CHST11: variants seen among roughly 807,000 people sequenced by gnomAD.
CHST11 encodes the protein carbohydrate sulfotransferase 11.
A neutral mutation model predicts 30.4 loss-of-function variants in CHST11; 9 were observed. The observed-to-expected ratio is 0.30, with a 90% confidence interval of 0.18 to 0.52. The LOEUF (loss-of-function observed/expected upper bound fraction) is 0.52, where lower values mean the gene tolerates loss of function less well. CHST11 is among the 20% of genes least tolerant of loss of function. The pLI is 0.97. For missense variants in CHST11, 348 were observed against 460.6 expected (o/e 0.76, Z 2.24); for synonymous variants, 152 against 187.8 (o/e 0.81, Z 1.56).
chr12:104,623,174 C>T (rs2374410), intron 2 of CHST11, among the ~76,000 whole-genome samples: 38,332 of 152,134 alleles, frequency 0.25, 5,151 homozygotes, highest in East Asian at 0.41. Flanking sequence ...TAGACTGTGC[C>T]GAGAGCCAGA....
rs75885678 is a variant in CHST11, at chr12:104,738,455, C to T, written c.205-18494C>T. Among the ~76,000 whole-genome samples the T allele has an allele frequency of 1.7e-3, 254 of 152,342 alleles. 1 individual carries two copies. Among genetic ancestry groups the T allele is most frequent in the African/African-American group, 5.8e-3 (242 of 41,560 alleles). On this transcript the variant is annotated intron_variant, in intron 2 of 2. Transcript: ENST00000303694. ...GCTGGAACGGCACTCCTGTGCCATG[C>T]GTCCATGGCACCTGTGCTTAATAAA...
intron 1 of CHST11, among the ~76,000 whole-genome samples, chr12:104,467,050 T>C (rs982168667): frequency 6.6e-6 from 1 of 152,242 alleles, no homozygotes; most frequent in African/African-American, 2.4e-5. Context: ...GCCTCAGTTC[T>C]ATTTTGTGAG....
chr12:104,631,203 G>C (rs2039266687), intron 2 of CHST11, among the ~76,000 whole-genome samples: 1 of 152,210 alleles, frequency 6.6e-6, no homozygotes, highest in African/African-American at 2.4e-5. Flanking sequence ...GGTTGGGGGA[G>C]AGGAATGGTG....
chr12:104,460,462 G>A (rs1009659125), intron 1 of CHST11, among the ~76,000 whole-genome samples: 1 of 152,022 alleles, frequency 6.6e-6, no homozygotes, highest in African/African-American at 2.4e-5. Context: ...TCAGGAGTTC[G>A]AGACCAGCCT....
intron 1 of CHST11, among the ~76,000 whole-genome samples, chr12:104,599,398 G>A (rs1218708631): frequency 6.6e-6 from 1 of 152,246 alleles, no homozygotes; most frequent in Non-Finnish European, 1.5e-5. Flanking sequence ...GAGCCCGTCT[G>A]CCGCCATAGG....
chr12:104,478,229 AT>A (rs2037583689), intron 1 of CHST11, among the ~76,000 whole-genome samples: 1 of 152,108 alleles, frequency 6.6e-6, no homozygotes, highest in African/African-American at 2.4e-5. Flanking sequence ...CCTGTGTAGT[AT>A]TTCTGTTACT....
At chr12:104,601,839 CT>C in intron 1 of CHST11, 66 bp from the exon 2 acceptor site, 1 of 1,345,274 alleles carries the variant, frequency 7.4e-7, no homozygotes, top group East Asian at 2.3e-5. Flanking sequence ...TACTCTGTGC[CT>C]TTTTCTTTGA....
At chr12:104,563,449 G>A (rs2038533327) in intron 1 of CHST11, among the ~76,000 whole-genome samples, 1 of 152,032 alleles carries the variant, frequency 6.6e-6, no homozygotes, top group Admixed American at 6.5e-5. Flanking sequence ...CTCGCTCAAG[G>A]GGCTGTATGC....
In CHST11 at chr12:104,457,345, G is replaced by A; in HGVS notation, c.-67G>A. Reference sequence around the variant, plus strand: ...CTCCCGGGCTCCGGTCCGCGCGGCGGGGTCCCTGCTCCTGCGCCCCGGGCG... The same window carrying A: ...CTCCCGGGCTCCGGTCCGCGCGGCGAGGTCCCTGCTCCTGCGCCCCGGGCG... On this transcript the variant is annotated 5_prime_UTR_variant, in exon 1 of 3. Transcript: ENST00000303694. 1 of 1,153,436 alleles carries A rather than the reference G, an allele frequency of 8.7e-7. No individual in the cohort carries two copies. Among genetic ancestry groups the A allele is most frequent in the Non-Finnish European group, 1.3e-6 (1 of 778,822 alleles). 71.5% of individuals were successfully genotyped at this position (1,153,436 alleles called of 1,614,324 possible). A position where few individuals can be genotyped will look rare whatever the true frequency, so the allele number is the denominator to read the frequency against.
intron 2 of CHST11, among the ~76,000 whole-genome samples, chr12:104,708,360 G>C (rs573490522): frequency 7.9e-5 from 12 of 152,210 alleles, no homozygotes; most frequent in Non-Finnish European, 1.5e-4. Context: ...CTGGGAGCAG[G>C]GTTGTCAAAG....
chr12:104,606,538 G>A (rs1430315320), intron 2 of CHST11, among the ~76,000 whole-genome samples: 1 of 152,172 alleles, frequency 6.6e-6, no homozygotes, highest in African/African-American at 2.4e-5. Context: ...GGCTCAGAGG[G>A]TTGAGCAATG....
At chr12:104,668,975 T>G (rs1319155387) in intron 2 of CHST11, among the ~76,000 whole-genome samples, 3 of 152,156 alleles carry the variant, frequency 2.0e-5, no homozygotes, top group Non-Finnish European at 4.4e-5. Context: ...AACTCTGGGT[T>G]CCAGAAATGA....
rs78233670 is a variant in CHST11 at position 104,477,031 on chromosome 12, G to A, written c.118+19502G>A. 0.013 allele frequency among the ~76,000 whole-genome samples: 1,953 copies of A among 152,232 alleles called. 75 individuals are homozygous for A. In the East Asian group the frequency reaches 0.16, roughly 13 times the overall value. On this transcript the variant is annotated intron_variant, in intron 1 of 2. Transcript: ENST00000303694. ...CAGAACTTTCTTCAGATGTCACAAA[G>A]TATCTTATTAATGGGCTTCCAGGGA...
chr12:104,500,436 G>T (rs1441221610), intron 1 of CHST11, among the ~76,000 whole-genome samples: 3 of 152,180 alleles, frequency 2.0e-5, no homozygotes, highest in African/African-American at 7.2e-5. Context: ...ATGAACCAAG[G>T]ATACTAGAAA....
chr12:104,576,371 C>T (rs2038683899), intron 1 of CHST11, among the ~76,000 whole-genome samples: 1 of 152,106 alleles, frequency 6.6e-6, no homozygotes, highest in South Asian at 2.1e-4. Context: ...GCCCATTTTG[C>T]AGAGGGGAAG....
At chr12:104,695,575 G>A (rs1220102334) in intron 2 of CHST11, among the ~76,000 whole-genome samples, 1 of 152,186 alleles carries the variant, frequency 6.6e-6, no homozygotes, top group Non-Finnish European at 1.5e-5. Context: ...GTTCCCAGCT[G>A]CAAGCGGGGA....
At chr12:104,497,493 C>T (rs768110673) in intron 1 of CHST11, among the ~76,000 whole-genome samples, 2 of 152,168 alleles carry the variant, frequency 1.3e-5, no homozygotes, top group African/African-American at 2.4e-5. Flanking sequence ...TGAAAGCCAC[C>T]TACTCTGTGG....
chr12:104,473,851 T>C (rs374234814), intron 1 of CHST11, among the ~76,000 whole-genome samples: 14 of 151,610 alleles, frequency 9.2e-5, no homozygotes, highest in African/African-American at 3.4e-4. Flanking sequence ...TGAGAGCTGG[T>C]TTTCTCATAG....
intron 1 of CHST11, among the ~76,000 whole-genome samples, chr12:104,487,853 T>G (rs1210929566): frequency 5.3e-5 from 8 of 152,142 alleles, no homozygotes; most frequent in African/African-American, 1.9e-4. Flanking sequence ...TTCTTTTTTT[T>G]TCTCTATTTT....
Sources: allele counts gnomAD v4.1 joint callset (sites outside exome capture counted in the v4.1 genomes callset), GRCh38; gene constraint gnomAD v4.1.1; transcripts MANE v1.5; gene names NCBI Gene and HGNC (gene_info 2026-07-23, HGNC 2026-07-21).